The following RELB variants were observed in gnomAD, a reference collection of about 807,000 sequenced individuals.
The protein encoded by RELB is RELB proto-oncogene, NF-kB subunit, also known as transcription factor RelB.
In RELB, 14 loss-of-function variants were observed where a neutral mutation model predicts 55.4. The observed-to-expected ratio is 0.25, with a 90% CI of 0.17 to 0.40. The LOEUF is 0.40. Among genes scored for constraint, RELB ranks in the 10% least tolerant of loss-of-function variants. The pLI is 1.00. For missense variants in RELB, 669 were observed against 830.7 expected (o/e 0.81, Z 2.39); for synonymous variants, 409 against 371.3 (o/e 1.10, Z -1.17).
chr19:45,029,039 C>T (rs372937293), intron 8 of RELB, 47 bp downstream of exon 8: 33 of 1,328,224 alleles, frequency 2.5e-5, no homozygotes, highest in Non-Finnish European at 3.5e-5. Flanking sequence ...GGTCTGGCAA[C>T]TTGGAGGGGT....
intron 4 of RELB, among the ~76,000 whole-genome samples, chr19:45,016,539 G>A (rs2122429669): frequency 6.6e-6 from 1 of 152,166 alleles, no homozygotes; most frequent in South Asian, 2.1e-4. Context: ...TTTCCAAAGT[G>A]GCGAACAACT....
chr19:45,013,786 C>T (rs1400459585), intron 4 of RELB, among the ~76,000 whole-genome samples: 2 of 151,996 alleles, frequency 1.3e-5, no homozygotes, highest in South Asian at 2.1e-4. Flanking sequence ...GAGCCAAGAT[C>T]GTGCCATTGC....
chr19:45,023,635 T>C (rs1266957195), intron 5 of RELB, among the ~76,000 whole-genome samples: 1 of 151,042 alleles, frequency 6.6e-6, no homozygotes, highest in East Asian at 1.9e-4. Flanking sequence ...AGACGGGGTT[T>C]CGCCGTGTTA....
At chr19:45,019,158 G>T (rs776996484) in intron 4 of RELB, among the ~76,000 whole-genome samples, 1 of 152,078 alleles carries the variant, frequency 6.6e-6, no homozygotes, top group East Asian at 1.9e-4. Flanking sequence ...GATCTCCAGG[G>T]TTCAAGCAGT....
intron 2 of RELB, among the ~76,000 whole-genome samples, chr19:45,003,906 G>GTTTTTTTTTTTTTTTT (rs1568395564): frequency 1.8e-4 from 11 of 62,538 alleles, no homozygotes; most frequent in African/African-American, 6.0e-4. Flanking sequence ...TTTTTTGTCT[G>GTTTTTTTTTTTTTTTT]TTTTTTGTGT....
At chr19:45,018,065 G>A (rs994803072) in intron 4 of RELB, among the ~76,000 whole-genome samples, 4 of 150,288 alleles carry the variant, frequency 2.7e-5, no homozygotes, top group South Asian at 2.2e-4. Flanking sequence ...TCAGGAGTTC[G>A]AGACCAGCCT....
chr19:45,004,154 G>A (rs1971253741), intron 2 of RELB, among the ~76,000 whole-genome samples: 1 of 149,278 alleles, frequency 6.7e-6, no homozygotes, highest in African/African-American at 2.5e-5. Context: ...CTGACCTCAG[G>A]TAATCCGCCC....
chr19:45,007,220 G>A (rs1374376544), intron 2 of RELB, among the ~76,000 whole-genome samples: 2 of 152,164 alleles, frequency 1.3e-5, no homozygotes, highest in African/African-American at 2.4e-5. Flanking sequence ...CTGCTCTCAC[G>A]TGGCCCATCC....
chr19:45,032,409 A>C (rs1263129371), intron 8 of RELB, 125 bp from the exon 9 acceptor site: 4 of 708,208 alleles, frequency 5.6e-6, no homozygotes, highest in Non-Finnish European at 9.5e-6. Context: ...ACAGAGCAAG[A>C]CTCTCAAAAA....
At position 45,012,041 on chromosome 19, in the gene RELB, T is replaced by G. The variant is rs1341701672; in HGVS notation, c.269T>G (p.Leu90Arg). 1 of 1,568,482 alleles carries G rather than the reference T, an allele frequency of 6.4e-7. No homozygotes were observed. Among genetic ancestry groups the G allele is most frequent in the South Asian group, 1.2e-5 (1 of 85,972 alleles). ...PRLVSRGAASLSTVTLGPVAP... is the reference protein window; with the variant it reads ...PRLVSRGAASRSTVTLGPVAP... The stretch of plus-strand genomic sequence containing the variant: ...CTGGTGTCTCGCGGGGCTGCGTCCC[T>G]GAGCACGGTCACCCTGGGCCCTGTG... Residue 90 changes from leucine to arginine, a missense_variant, in exon 4 of 12, where the codon CTG (leucine) becomes CGG (arginine). Leu to Arg is a moderately radical substitution (Grantham distance 102). Around this residue, in one of 3 missense-constraint regions of RELB, gnomAD observed 323 missense variants for 368.5 expected, o/e 0.88. Transcript: ENST00000221452.
intron 1 of RELB, among the ~76,000 whole-genome samples, 186 bp downstream of exon 1, chr19:45,001,871 C>T (rs1315818076): frequency 6.6e-6 from 1 of 152,060 alleles, no homozygotes; most frequent in Non-Finnish European, 1.5e-5. Flanking sequence ...GGGGTACGGC[C>T]CGAGGTTCGA....
intron 11 of RELB, among the ~76,000 whole-genome samples, chr19:45,036,123 A>T (rs1206018337): frequency 6.6e-6 from 1 of 152,094 alleles, no homozygotes; most frequent in Non-Finnish European, 1.5e-5. Flanking sequence ...CCTAGGCTGG[A>T]GTGCAGTGGC....
chr19:45,017,750 G>A (rs564013414), intron 4 of RELB, among the ~76,000 whole-genome samples: 9 of 149,300 alleles, frequency 6.0e-5, no homozygotes, highest in Admixed American at 4.0e-4. Context: ...GGTTCAAGCA[G>A]TCCTCTTGCC....
At chr19:45,007,323 G>A (rs1206450309) in intron 2 of RELB, among the ~76,000 whole-genome samples, 6 of 152,186 alleles carry the variant, frequency 3.9e-5, no homozygotes, top group Non-Finnish European at 5.9e-5. Context: ...GGCTAATAGA[G>A]GACTTGAGAT....
At chr19:45,015,681 G>A (rs1295141831) in intron 4 of RELB, among the ~76,000 whole-genome samples, 1 of 150,214 alleles carries the variant, frequency 6.7e-6, no homozygotes, top group African/African-American at 2.5e-5. Flanking sequence ...GCTGCAGTGA[G>A]CCATGGTCAC....
chr19:45,026,606 ATC>A (rs975479068), intron 7 of RELB, among the ~76,000 whole-genome samples: 5 of 152,144 alleles, frequency 3.3e-5, no homozygotes, highest in African/African-American at 1.2e-4. Context: ...AGAATGAACA[ATC>A]TGTACAACTA....
chr19:45,018,131 G>A (rs138698514), intron 4 of RELB, among the ~76,000 whole-genome samples: 46 of 151,926 alleles, frequency 3.0e-4, no homozygotes, highest in Middle Eastern at 6.8e-3. Context: ...TTGGCCGAGC[G>A]TGGTGGCTCA....
intron 4 of RELB, among the ~76,000 whole-genome samples, chr19:45,014,287 A>C (rs1381127147): frequency 6.7e-6 from 1 of 149,554 alleles, no homozygotes; most frequent in East Asian, 2.0e-4. Flanking sequence ...CTCCCACCTC[A>C]GCCTCCTGAG....
chr19:45,031,096 C>T (rs527475822), intron 8 of RELB, among the ~76,000 whole-genome samples: 160 of 152,120 alleles, frequency 1.1e-3, no homozygotes, highest in Non-Finnish European at 1.6e-3. Context: ...TGATGACGGG[C>T]GATGCAGTAA....
Sources: allele counts gnomAD v4.1 joint callset (sites outside exome capture counted in the v4.1 genomes callset), GRCh38; gene constraint gnomAD v4.1.1; regional missense constraint gnomAD v4.1.1; transcripts MANE v1.5; gene names NCBI Gene and HGNC (gene_info 2026-07-23, HGNC 2026-07-21).